LFNG: variants seen among roughly 807,000 people sequenced by gnomAD.
LFNG encodes the protein beta-1,3-N-acetylglucosaminyltransferase lunatic fringe.
A neutral mutation model predicts 32.7 loss-of-function variants in LFNG; 15 were observed. The observed-to-expected ratio is 0.46, with a 90% CI of 0.31 to 0.71. The LOEUF (loss-of-function observed/expected upper bound fraction) is 0.71, where lower values mean the gene tolerates loss of function less well. Among genes scored for constraint, LFNG ranks in the 30% least tolerant of loss-of-function variants. The pLI is 0.06. For missense variants in LFNG, 520 were observed against 545.7 expected (o/e 0.95, Z 0.47); for synonymous variants, 274 against 246.8 (o/e 1.11, Z -1.03).
At position 2,526,497 on chromosome 7, in the gene LFNG, T is replaced by C. The variant is rs1192492222; in HGVS notation, c.987+88T>C. 30 of 1,445,514 alleles carry C rather than the reference T, an allele frequency of 2.1e-5. No individual in the cohort carries two copies. Among genetic ancestry groups the C allele is most frequent in the African/African-American group, 4.2e-5 (3 of 71,752 alleles). 89.5% of individuals were successfully genotyped at this position (1,445,514 alleles called of 1,614,324 possible). On this transcript the variant is annotated intron_variant, in intron 6 of 7. Coordinates refer to ENST00000222725, the MANE Select transcript of LFNG (RefSeq NM_001040167.2). This position sits in a 1 kb window ranked among gnomAD's most constrained non-coding sequence, Gnocchi z 6.9. ...AGAGGGGCGCAGTGGGGTGGGGCAC[T>C]GTTCTAAACAGGGAGGCCAGGCAGC...
upstream of LFNG, chr7:2,517,749 A>C: frequency 4.8e-6 from 3 of 619,972 alleles, no homozygotes; most frequent in Non-Finnish European, 8.0e-6. Context: ...GGGCTTGGCC[A>C]TGCTTGGCTG....
upstream of LFNG, among the ~76,000 whole-genome samples, chr7:2,515,620 T>C (rs1215481776): frequency 6.6e-6 from 1 of 152,242 alleles, no homozygotes; most frequent in East Asian, 1.9e-4. Flanking sequence ...GCCAGGCCAC[T>C]GTTGGAAAGG....
rs934796069 is a variant in LFNG at position 2,527,440 on chromosome 7, C to T, written c.*228C>T. 50 of 1,438,358 alleles carry T rather than the reference C, an allele frequency of 3.5e-5. No homozygotes were observed. The highest frequency in any genetic ancestry group is 1.1e-4 in the South Asian group (8 of 70,644). 89.1% of individuals were successfully genotyped at this position (1,438,358 alleles called of 1,614,324 possible). On this transcript the variant is annotated 3_prime_UTR_variant, in exon 8 of 8. Transcript: ENST00000222725. This position sits in a 1 kb window ranked among gnomAD's most constrained non-coding sequence, Gnocchi z 4.4. ...CAGCGCCACTTATGTGCCTCTGCTC[C>T]GAGGGCCAGTGGGCTGCAGGGCCTG...
chr7:2,519,770 C>G (rs563466051), upstream of LFNG: 1 of 738,322 alleles, frequency 1.4e-6, no homozygotes, highest in African/African-American at 1.9e-5. Flanking sequence ...ACTGGTGCTG[C>G]GCTGCTGGAC....
At chr7:2,524,769 G>C in intron 2 of LFNG, 26 bp downstream of exon 2, 1 of 1,564,660 alleles carries the variant, frequency 6.4e-7, no homozygotes, top group Non-Finnish European at 8.7e-7. Flanking sequence ...GGGGCGGGAG[G>C]GGGCCCAGGC....
chr7:2,519,536 G>C (rs1189768072), upstream of LFNG, among the ~76,000 whole-genome samples: 1 of 151,402 alleles, frequency 6.6e-6, no homozygotes, highest in Admixed American at 6.6e-5. Flanking sequence ...CAAGCCCCTC[G>C]GCGGCCCGCA....
chr7:2,516,065 G>A (rs1344782162), upstream of LFNG, among the ~76,000 whole-genome samples: 1 of 152,214 alleles, frequency 6.6e-6, no homozygotes, highest in African/African-American at 2.4e-5. Context: ...GGCATCTGGG[G>A]GCTTCAAACA....
chr7:2,518,695 GGTGGTGGTC>G (rs1271973968), upstream of LFNG: 12 of 1,527,406 alleles, frequency 7.9e-6, no homozygotes, highest in East Asian at 1.8e-4. Context: ...CGGTGGTGGC[GGTGGTGGTC>G]GTGGTGGTCG....
Position 2,521,968 on chromosome 7 carries a change from A to G in LFNG, c.432+1675A>G, listed in dbSNP as rs116377728. Reference sequence around the variant, plus strand: ...GTCACCCCACCAGGGGACAGGTTGAATCTGCCCTCAGCATCAGTTCACCAG... The same window carrying G: ...GTCACCCCACCAGGGGACAGGTTGAGTCTGCCCTCAGCATCAGTTCACCAG... On this transcript the variant is annotated intron_variant, in intron 1 of 7. Coordinates refer to ENST00000222725, the MANE Select transcript of LFNG (RefSeq NM_001040167.2). Among the ~76,000 whole-genome samples the G allele has an allele frequency of 5.0e-3, 759 of 152,234 alleles. 8 individuals are homozygous for G. Among genetic ancestry groups the G allele is most frequent in the African/African-American group, 0.018 (730 of 41,550 alleles).
At chr7:2,515,047 T>A (rs12540372), upstream of LFNG, among the ~76,000 whole-genome samples, 2 of 57,320 alleles carry the variant, frequency 3.5e-5, no homozygotes, top group African/African-American at 1.1e-4. Context: ...TCCATCCATC[T>A]GTCCATCCAT....
rs144435525 is a variant in LFNG, at chr7:2,524,542, C to T, written c.433-153C>T. ...GATGGGGCACTTGAGCCCTTCTCAG[C>T]ACGAGTGGGGAAACCAAGGCCCGGA... On this transcript the variant is annotated intron_variant, in intron 1 of 7. Transcript: ENST00000222725. 1.1e-3 allele frequency: 840 copies of T among 741,430 alleles called. 4 individuals are homozygous for T. In the African/African-American group the frequency reaches 0.013, roughly 11 times the overall value. 45.9% of individuals were successfully genotyped at this position (741,430 alleles called of 1,614,324 possible).
At position 2,528,029 on chromosome 7, in the gene LFNG, G is replaced by A; in HGVS notation, c.*817G>A. On this transcript the variant is annotated 3_prime_UTR_variant, in exon 8 of 8. Transcript: ENST00000222725. ...TTTTACTGTGCTGTTTTTTTTGAAAGGGGATGGGTAAAAAGTAGGGTGTTC... is the reference window on the plus strand; with the variant it reads ...TTTTACTGTGCTGTTTTTTTTGAAAAGGGATGGGTAAAAAGTAGGGTGTTC... 1 of 982,810 alleles carries A rather than the reference G, an allele frequency of 1.0e-6. No individual in the cohort carries two copies. The highest frequency in any genetic ancestry group is 1.2e-6 in the Non-Finnish European group (1 of 829,258). The allele number at this position is 982,810 out of a possible 1,614,324, so 60.9% of individuals were successfully genotyped here.
Position 2,525,447 on chromosome 7 carries a change from C to T in LFNG, c.615C>T (p.Val205=). The T allele has an allele frequency of 1.9e-6, 3 of 1,612,864 alleles. No individual in the cohort carries two copies. The highest frequency in any genetic ancestry group is 2.5e-6 in the Non-Finnish European group (3 of 1,179,894). The change falls in exon 4 of 8, where the codon GTC becomes GTT. Residue 205 remains valine, a synonymous_variant. Transcript: ENST00000222725. ...WFCHVDDDNY[V]NLRALLRLLA... is the part of the protein sequence containing the mutation. The stretch of plus-strand genomic sequence containing the variant: ...GCCACGTGGACGATGACAACTACGT[C>T]AACCTGCGGGCCCTGCTGCGGCTGC...
upstream of LFNG, among the ~76,000 whole-genome samples, chr7:2,515,118 C>G (rs964163121): frequency 2.6e-5 from 4 of 152,078 alleles, no homozygotes; most frequent in African/African-American, 9.7e-5. Flanking sequence ...GCCCATCCAT[C>G]TGCCCCTCCA....
Position 2,520,104 on chromosome 7 carries a change from C to T in LFNG, c.243C>T (p.Leu81=). The T allele has an allele frequency of 5.2e-6, 7 of 1,345,494 alleles. No individual in the cohort carries two copies. The highest frequency in any genetic ancestry group is 6.7e-6 in the Non-Finnish European group (7 of 1,038,396). The allele number at this position is 1,345,494 out of a possible 1,614,324, so 83.3% of individuals were successfully genotyped here. A position where few individuals can be genotyped will look rare whatever the true frequency, so the allele number is the denominator to read the frequency against. ...VHSLSEYFSL[L]TRARRDAGPP... Reference sequence around the variant, plus strand: ...GTCTGTCCGAGTACTTCAGCCTGCTCACCCGCGCGCGCAGAGATGCGGGCC... The same window carrying T: ...GTCTGTCCGAGTACTTCAGCCTGCTTACCCGCGCGCGCAGAGATGCGGGCC... The change falls in exon 1 of 8, where the codon CTC becomes CTT. Residue 81 remains leucine, a synonymous_variant. Transcript: ENST00000222725. The surrounding 1 kb of genome is among the most constrained non-coding windows in gnomAD (Gnocchi z 5.0).
chr7:2,527,286 G>A lies in LFNG; in HGVS notation c.*74G>A. ...CCCAGGGACCCTGTTGCGCTGCCCT[G>A]GCCTCGGCATTCGAGGCTCCCCTAG... On this transcript the variant is annotated 3_prime_UTR_variant, in exon 8 of 8. Transcript: ENST00000222725. This position sits in a 1 kb window ranked among gnomAD's most constrained non-coding sequence, Gnocchi z 4.4. 2 of 1,584,876 alleles carry A rather than the reference G, an allele frequency of 1.3e-6. No homozygotes were observed. Among genetic ancestry groups the A allele is most frequent in the Non-Finnish European group, 8.5e-7 (1 of 1,171,386 alleles).
At chr7:2,516,664 T>C (rs1419847451), upstream of LFNG, among the ~76,000 whole-genome samples, 2 of 152,218 alleles carry the variant, frequency 1.3e-5, no homozygotes, top group Non-Finnish European at 2.9e-5. Context: ...GCTTTCCACC[T>C]GACCTCAGCA....
chr7:2,527,750 G>A lies in LFNG; in HGVS notation c.*538G>A, dbSNP rs1780037816. 1.2e-5 allele frequency: 12 copies of A among 1,024,374 alleles called. No individual in the cohort carries two copies. The highest frequency in any genetic ancestry group is 1.7e-5 in the African/African-American group (1 of 58,752). The allele number at this position is 1,024,374 out of a possible 1,614,324, so 63.5% of individuals were successfully genotyped here. ...TCCCCTTCCTCCTGGCCTGGACGCTGTGGCTTAAGAGTAACAGCAGCCACC... is the reference window on the plus strand; with the variant it reads ...TCCCCTTCCTCCTGGCCTGGACGCTATGGCTTAAGAGTAACAGCAGCCACC... On this transcript the variant is annotated 3_prime_UTR_variant, in exon 8 of 8. Transcript: ENST00000222725. This position sits in a 1 kb window ranked among gnomAD's most constrained non-coding sequence, Gnocchi z 4.4.
At position 2,524,617 on chromosome 7, in the gene LFNG, C is replaced by T. The variant is rs374877730; in HGVS notation, c.433-78C>T. 1.1e-3 allele frequency: 1,523 copies of T among 1,353,824 alleles called. 24 individuals carry two copies. In the South Asian group the frequency reaches 0.017, roughly 15 times the overall value. The allele number at this position is 1,353,824 out of a possible 1,614,324, so 83.9% of individuals were successfully genotyped here. A position where few individuals can be genotyped will look rare whatever the true frequency, so the allele number is the denominator to read the frequency against. ...AGCTGCAGCTGCAGCAACTCCAGGG[C>T]GCCCCGTCCGGCCCCCACAGATGGC... is the stretch of plus-strand genomic sequence containing the variant. On this transcript the variant is annotated intron_variant, in intron 1 of 7. Coordinates refer to ENST00000222725, the MANE Select transcript of LFNG (RefSeq NM_001040167.2).
Sources: allele counts gnomAD v4.1 joint callset (sites outside exome capture counted in the v4.1 genomes callset), GRCh38; gene constraint gnomAD v4.1.1; non-coding constraint Gnocchi (gnomAD v3.1); transcripts MANE v1.5; gene names NCBI Gene and HGNC (gene_info 2026-07-23, HGNC 2026-07-21).